The following PCDH9 variants were observed in gnomAD, a reference collection of about 807,000 sequenced individuals.
PCDH9 encodes the protein protocadherin-9.
In PCDH9, 24 loss-of-function variants were observed where a neutral mutation model predicts 70.6. That is an observed-to-expected ratio of 0.34 (90% confidence interval 0.25 to 0.48). The LOEUF (loss-of-function observed/expected upper bound fraction) is 0.48, where lower values mean the gene tolerates loss of function less well. PCDH9 is among the 20% of genes least tolerant of loss of function. PCDH9 has a pLI of 0.99. For missense variants in PCDH9, 1,281 were observed against 1,503.6 expected (o/e 0.85, Z 2.45); for synonymous variants, 562 against 558.5 (o/e 1.01, Z -0.09).
intron 2 of PCDH9, among the ~76,000 whole-genome samples, chr13:66,986,423 C>T (rs1438657260): frequency 6.6e-6 from 1 of 151,952 alleles, no homozygotes; most frequent in Non-Finnish European, 1.5e-5. Flanking sequence ...CTTCTTGGCA[C>T]CCTTATGAAT....
At chr13:66,405,824 G>A (rs1002384077) in intron 4 of PCDH9, among the ~76,000 whole-genome samples, 1 of 152,118 alleles carries the variant, frequency 6.6e-6, no homozygotes, top group Non-Finnish European at 1.5e-5. Flanking sequence ...CTCCAGGATG[G>A]AGCTGGTTTA....
chr13:67,179,527 A>G (rs1296304248), intron 2 of PCDH9, among the ~76,000 whole-genome samples: 4 of 152,134 alleles, frequency 2.6e-5, no homozygotes, highest in Non-Finnish European at 4.4e-5. Flanking sequence ...TCAAGACTAC[A>G]GGGACTATAT....
At chr13:66,623,035 C>T (rs182819984) in intron 4 of PCDH9, among the ~76,000 whole-genome samples, 37,471 of 151,814 alleles carry the variant, frequency 0.25, 4,990 homozygotes, top group Middle Eastern at 0.35. Context: ...CTGAAGCCCG[C>T]GAGACCGCGA....
chr13:66,929,187 CAATT>C (rs2082764699), intron 2 of PCDH9, among the ~76,000 whole-genome samples: 1 of 151,868 alleles, frequency 6.6e-6, no homozygotes, highest in Non-Finnish European at 1.5e-5. Flanking sequence ...ATATTTTAGT[CAATT>C]AACACAGAAT....
intron 2 of PCDH9, among the ~76,000 whole-genome samples, chr13:67,023,974 G>GA (rs77342518): frequency 0.11 from 16,076 of 147,440 alleles, 925 homozygotes; most frequent in Middle Eastern, 0.16. Flanking sequence ...AAAGATGGAA[G>GA]AAAAAAAAAA....
At chr13:66,855,017 C>A (rs2081371540) in intron 3 of PCDH9, among the ~76,000 whole-genome samples, 1 of 152,042 alleles carries the variant, frequency 6.6e-6, no homozygotes, top group African/African-American at 2.4e-5. Flanking sequence ...ATAACAAGAC[C>A]TGAATGCATT....
chr13:66,951,159 G>A (rs761634542), intron 2 of PCDH9, among the ~76,000 whole-genome samples: 2 of 152,082 alleles, frequency 1.3e-5, no homozygotes, highest in South Asian at 2.1e-4. Flanking sequence ...TCATAATGAC[G>A]AAAGGGTTTA....
intron 2 of PCDH9, among the ~76,000 whole-genome samples, chr13:67,075,766 A>C (rs1387334464): frequency 6.6e-6 from 1 of 152,086 alleles, no homozygotes; most frequent in Non-Finnish European, 1.5e-5. Context: ...TCTAGTTATA[A>C]TTGTTCAAAT....
At chr13:66,904,094 C>T (rs2082320468) in intron 2 of PCDH9, among the ~76,000 whole-genome samples, 1 of 151,766 alleles carries the variant, frequency 6.6e-6, no homozygotes, top group Non-Finnish European at 1.5e-5. Context: ...CCTTAGCTAC[C>T]ACATGAACTA....
intron 3 of PCDH9, among the ~76,000 whole-genome samples, chr13:66,675,875 G>T (rs532882718): frequency 6.6e-6 from 1 of 152,018 alleles, no homozygotes; most frequent in African/African-American, 2.4e-5. Flanking sequence ...CTTTTTGTTC[G>T]CAGAAGTATG....
chr13:66,583,679 C>A (rs534375758), intron 4 of PCDH9, among the ~76,000 whole-genome samples: 10 of 152,000 alleles, frequency 6.6e-5, no homozygotes, highest in African/African-American at 2.2e-4. Context: ...TAATCATGTT[C>A]TCTGTTTAGC....
chr13:66,824,900 G>T (rs1056975599), intron 3 of PCDH9, among the ~76,000 whole-genome samples: 1 of 151,608 alleles, frequency 6.6e-6, no homozygotes, highest in Non-Finnish European at 1.5e-5. Context: ...CATAACAGGA[G>T]AGATTTTGTA....
At chr13:66,535,374 C>A (rs1351980140) in intron 4 of PCDH9, among the ~76,000 whole-genome samples, 1 of 151,868 alleles carries the variant, frequency 6.6e-6, no homozygotes, top group Non-Finnish European at 1.5e-5. Context: ...TCACTGCAAC[C>A]TCTTTAAGTC....
intron 2 of PCDH9, among the ~76,000 whole-genome samples, chr13:67,051,069 G>C (rs1306366122): frequency 6.6e-6 from 1 of 152,142 alleles, no homozygotes; most frequent in Non-Finnish European, 1.5e-5. Flanking sequence ...TGATGACGCA[G>C]TAGCACAAGG....
At chr13:66,590,083 C>A (rs772458179) in intron 4 of PCDH9, among the ~76,000 whole-genome samples, 4 of 151,940 alleles carry the variant, frequency 2.6e-5, no homozygotes, top group Non-Finnish European at 5.9e-5. Context: ...TTTGTGCACA[C>A]AAAGTTTCAT....
intron 2 of PCDH9, among the ~76,000 whole-genome samples, chr13:67,127,088 T>C (rs2086996159): frequency 6.6e-6 from 1 of 152,216 alleles, no homozygotes. Context: ...CCCATGATGG[T>C]TCCAGAGGTA....
intron 3 of PCDH9, among the ~76,000 whole-genome samples, chr13:66,774,773 T>C (rs79533163): frequency 0.016 from 2,372 of 152,264 alleles, 70 homozygotes; most frequent in African/African-American, 0.054. Context: ...AGTAATTCTA[T>C]TGTGCATAAT....
intron 4 of PCDH9, among the ~76,000 whole-genome samples, chr13:66,387,983 A>G (rs1956958339): frequency 6.6e-6 from 1 of 152,180 alleles, no homozygotes; most frequent in African/African-American, 2.4e-5. Context: ...AATATTCGGC[A>G]GTTTTTAAAA....
chr13:66,438,935 G>T (rs1957925768), intron 4 of PCDH9, among the ~76,000 whole-genome samples: 1 of 152,200 alleles, frequency 6.6e-6, no homozygotes, highest in Non-Finnish European at 1.5e-5. Flanking sequence ...AAGGATAGGA[G>T]TTCTTCCCAA....
Sources: allele counts gnomAD v4.1 joint callset (sites outside exome capture counted in the v4.1 genomes callset), GRCh38; gene constraint gnomAD v4.1.1; transcripts MANE v1.5; gene names NCBI Gene and HGNC (gene_info 2026-07-23, HGNC 2026-07-21).